KSR1: variants seen among roughly 807,000 people sequenced by gnomAD.
KSR1 encodes the protein kinase suppressor of ras.
KSR1 carries 35 observed loss-of-function variants against 92.9 expected under a neutral mutation model. The ratio of observed to expected loss-of-function variants is 0.38; its 90% CI spans 0.29 to 0.50. The LOEUF (loss-of-function observed/expected upper bound fraction) is 0.50. Among genes scored for constraint, KSR1 ranks in the 20% least tolerant of loss-of-function variants. The pLI, the probability that KSR1 is intolerant of heterozygous loss-of-function variation, is 0.94. For missense variants in KSR1, 972 were observed against 1,158.5 expected (o/e 0.84, Z 2.34); for synonymous variants, 467 against 472.6 (o/e 0.99, Z 0.15).
chr17:27,605,745 G>A lies in KSR1; in HGVS notation c.1926G>A (p.Thr642=), dbSNP rs1314972115. The A allele has an allele frequency of 8.1e-6, 13 of 1,612,784 alleles. No homozygotes were observed. Among genetic ancestry groups the A allele is most frequent in the Admixed American group, 1.7e-5 (1 of 59,972 alleles). The part of the protein sequence containing the change: ...FKKEVMNYRQ[T]RHENVVLFMG... ...AAGAGGTGATGAACTACCGGCAGAC[G>A]CGGCATGAGAACGTGGTGCTCTTCA... The change falls in exon 14 of 21, where the codon ACG becomes ACA. Residue 642 remains threonine, a synonymous_variant. Transcript: ENST00000644974.
At chr17:27,474,275 T>C (rs894023869) in intron 1 of KSR1, among the ~76,000 whole-genome samples, 1 of 152,246 alleles carries the variant, frequency 6.6e-6, no homozygotes, top group Admixed American at 6.5e-5. Context: ...CTACTTGTTA[T>C]AGCAAACAGG....
intron 2 of KSR1, among the ~76,000 whole-genome samples, chr17:27,561,812 C>T (rs2071840525): frequency 1.3e-5 from 2 of 152,132 alleles, no homozygotes; most frequent in African/African-American, 4.8e-5. Flanking sequence ...GCATGAATGT[C>T]CTGCTTAGTC....
intron 1 of KSR1, among the ~76,000 whole-genome samples, chr17:27,468,235 A>AT (rs1406749155): frequency 1.2e-4 from 18 of 150,462 alleles, no homozygotes; most frequent in Non-Finnish European, 1.2e-4. Context: ...GCTGTGGCCA[A>AT]TTATTTTTTT....
chr17:27,487,521 G>A (rs138290685), intron 1 of KSR1, among the ~76,000 whole-genome samples: 5,094 of 151,798 alleles, frequency 0.034, 272 homozygotes, highest in African/African-American at 0.12. Flanking sequence ...GGCCGAGGTC[G>A]GTGGATCACT....
chr17:27,601,472 G>A (rs2073555380), intron 11 of KSR1, 71 bp downstream of exon 11: 17 of 1,307,842 alleles, frequency 1.3e-5, no homozygotes, highest in East Asian at 2.3e-5. Context: ...CCTGGGCAGG[G>A]CGCCCTCTCT....
Position 27,588,519 on chromosome 17 carries a change from C to CTGTCGG in KSR1, c.1033_1038dup (p.Ser345_Val346dup). 3.1e-6 allele frequency: 5 copies of CTGTCGG among 1,592,826 alleles called. No individual in the cohort carries two copies. The highest frequency in any genetic ancestry group is 4.3e-6 in the Non-Finnish European group (5 of 1,169,932). On this transcript the variant is annotated inframe_insertion, in exon 6 of 21. Coordinates refer to ENST00000644974, the MANE Select transcript of KSR1 (RefSeq NM_001394583.1). ...ACAGATGGTACGGAGGGATATCGGG[C>CTGTCGG]TGTCGGTGACGCACAGGTAGGCACA...
chr17:27,588,344 A>G, intron 5 of KSR1, 131 bp from the exon 6 acceptor site: 1 of 702,762 alleles, frequency 1.4e-6, no homozygotes. Flanking sequence ...ATGGACATAG[A>G]TCAGGGAGAT....
chr17:27,575,131 A>C (rs1031464687), intron 2 of KSR1, among the ~76,000 whole-genome samples: 4 of 152,246 alleles, frequency 2.6e-5, no homozygotes, highest in African/African-American at 9.6e-5. Context: ...GGGTGAGTCC[A>C]CAGAATAAAA....
chr17:27,469,215 T>C (rs1182956788), intron 1 of KSR1, among the ~76,000 whole-genome samples: 1 of 152,212 alleles, frequency 6.6e-6, no homozygotes, highest in Non-Finnish European at 1.5e-5. Flanking sequence ...CAGTCCTTCC[T>C]GAAGCCTAGC....
chr17:27,582,686 T>C lies in KSR1; in HGVS notation c.561T>C (p.Asp187=), dbSNP rs746525879. ...AGGACTCCAGTTGGAGTTCATTGGATGCGCGGCGGGAAAGTGGCTCAGGGC... is the reference window on the plus strand; with the variant it reads ...AGGACTCCAGTTGGAGTTCATTGGACGCGCGGCGGGAAAGTGGCTCAGGGC... The part of the protein sequence containing the change: ...HKEDSSWSSL[D]ARRESGSGPS... Residue 187 remains aspartate, a synonymous_variant, in exon 4 of 21, where the codon GAT becomes GAC. Coordinates refer to ENST00000644974, the MANE Select transcript of KSR1 (RefSeq NM_001394583.1). 6.2e-7 allele frequency: 1 copy of C among 1,613,264 alleles called. No homozygotes were observed. Among genetic ancestry groups the C allele is most frequent in the South Asian group, 1.1e-5 (1 of 91,012 alleles).
At chr17:27,567,768 G>A (rs535723252) in intron 2 of KSR1, among the ~76,000 whole-genome samples, 3 of 152,344 alleles carry the variant, frequency 2.0e-5, no homozygotes, top group South Asian at 4.1e-4. Context: ...GCCCTCCCGG[G>A]GGCATGGTAT....
Position 27,611,505 on chromosome 17 carries a change from A to G in KSR1, c.2369A>G (p.Tyr790Cys). 6.2e-7 allele frequency: 1 copy of G among 1,613,802 alleles called. No homozygotes were observed. The highest frequency in any genetic ancestry group is 8.5e-7 in the Non-Finnish European group (1 of 1,179,750). Residue 790 changes from tyrosine to cysteine, a missense_variant, in exon 18 of 21, where the codon TAT (tyrosine) becomes TGT (cysteine). This residue lies in a region of KSR1 where 260 missense variants were observed against 375.2 expected (regional missense o/e 0.69). Transcript: ENST00000644974. ...ADVYAFGTVW[Y>C]ELQARDWPLK... The stretch of plus-strand genomic sequence containing the variant: ...CTGGGTCTCTGCAGGACTGTTTGGT[A>G]TGAGCTGCAAGCAAGAGACTGGCCC...
At chr17:27,607,779 A>G in intron 14 of KSR1, 135 bp from the exon 15 acceptor site, 1 of 665,258 alleles carries the variant, frequency 1.5e-6, no homozygotes, top group Non-Finnish European at 2.7e-6. Context: ...GTTAAAGAAG[A>G]TTTGGCTCAC....
At chr17:27,572,642 C>G (rs12453420) in intron 2 of KSR1, among the ~76,000 whole-genome samples, 21,482 of 152,260 alleles carry the variant, frequency 0.14, 1,680 homozygotes, top group Admixed American at 0.23. Context: ...GTGGCTTCAC[C>G]TGCGAGTTCA....
intron 1 of KSR1, among the ~76,000 whole-genome samples, chr17:27,547,346 A>C (rs967851205): frequency 6.6e-6 from 1 of 152,234 alleles, no homozygotes; most frequent in Admixed American, 6.5e-5. Context: ...TCCATCGATG[A>C]ACGTAGATGG....
At chr17:27,602,992 A>G (rs1435960092) in intron 11 of KSR1, among the ~76,000 whole-genome samples, 1 of 152,242 alleles carries the variant, frequency 6.6e-6, no homozygotes, top group Non-Finnish European at 1.5e-5. Context: ...CCACACAGGC[A>G]GGAGAGAGGC....
chr17:27,577,157 G>A lies in KSR1; in HGVS notation c.373-335G>A, dbSNP rs901211873. 1.3e-4 allele frequency among the ~76,000 whole-genome samples: 20 copies of A among 152,008 alleles called. No homozygotes were observed. The highest frequency in any genetic ancestry group is 3.6e-4 in the African/African-American group (15 of 41,386). ...AGGGCCATCTTTGTCTGAAGTACTC[G>A]TCATTCTAAAAAGTTGTTATGACTC... On this transcript the variant is annotated intron_variant, in intron 2 of 20. Coordinates refer to ENST00000644974, the MANE Select transcript of KSR1 (RefSeq NM_001394583.1). This position sits in a 1 kb window ranked among gnomAD's most constrained non-coding sequence, Gnocchi z 4.5.
intron 11 of KSR1, among the ~76,000 whole-genome samples, chr17:27,602,658 G>T (rs755194970): frequency 1.3e-5 from 2 of 152,202 alleles, no homozygotes; most frequent in Non-Finnish European, 2.9e-5. Context: ...TTAGGTGTGT[G>T]TTTGCCTCCT....
chr17:27,465,455 C>T (rs1265077776), intron 1 of KSR1: 3 of 151,980 alleles, frequency 2.0e-5, no homozygotes, highest in Non-Finnish European at 4.4e-5. Context: ...CAGAGACGGA[C>T]GTATCGCTTG....
Sources: gnomAD v4.1 joint callset for allele counts (sites outside exome capture counted in the v4.1 genomes callset) on GRCh38, gnomAD v4.1.1 for gene constraint, gnomAD v4.1.1 regional missense constraint, Gnocchi (gnomAD v3.1) non-coding constraint, MANE v1.5 for transcripts, NCBI Gene and HGNC (gene_info 2026-07-23, HGNC 2026-07-21) for gene names.